Variants in KCNN3 observed in about 807,000 individuals in gnomAD.
KCNN3 encodes small conductance calcium-activated potassium channel protein 3.
A neutral mutation model predicts 62.9 loss-of-function variants in KCNN3; 16 were observed. The ratio of observed to expected loss-of-function variants is 0.25; its 90% confidence interval spans 0.17 to 0.39. The LOEUF (loss-of-function observed/expected upper bound fraction) is 0.39. Ranked by LOEUF, KCNN3 falls within the 10% of genes least tolerant of loss-of-function variation. The probability of loss-of-function intolerance (pLI) is 1.00; values close to 1 mark genes in which losing one functional copy is unlikely to be tolerated. For missense variants in KCNN3, 599 were observed against 949.4 expected, an observed-to-expected ratio of 0.63 and a Z score of 4.85; for synonymous variants, 370 against 389.2, an observed-to-expected ratio of 0.95 and a Z score of 0.58.
intron 1 of KCNN3, among the ~76,000 whole-genome samples, chr1:154,844,041 C>T (rs979207097): frequency 1.3e-5 from 2 of 152,220 alleles, no homozygotes; most frequent in Non-Finnish European, 2.9e-5. Context: ...GGCCAAAGAA[C>T]ACACCCTCGG....
intron 2 of KCNN3, among the ~76,000 whole-genome samples, chr1:154,773,428 A>C (rs979989035): frequency 1.3e-5 from 2 of 152,238 alleles, no homozygotes; most frequent in Non-Finnish European, 2.9e-5. Context: ...TGAAAACCTG[A>C]GAAGGGCGTC....
At chr1:154,741,787 T>G (rs1246132689) in intron 3 of KCNN3, among the ~76,000 whole-genome samples, 1 of 151,950 alleles carries the variant, frequency 6.6e-6, no homozygotes, top group Admixed American at 6.5e-5. Flanking sequence ...CTGGGTCTGA[T>G]TTGTTTGTTG....
chr1:154,848,166 A>C (rs1289447955), intron 1 of KCNN3, among the ~76,000 whole-genome samples: 1 of 152,154 alleles, frequency 6.6e-6, no homozygotes, highest in Non-Finnish European at 1.5e-5. Flanking sequence ...CTCTGGGACC[A>C]GAAGGCTGCC....
chr1:154,854,890 T>C (rs12729486), intron 1 of KCNN3, among the ~76,000 whole-genome samples: 31,623 of 152,230 alleles, frequency 0.21, 3,707 homozygotes, highest in Non-Finnish European at 0.28. Flanking sequence ...ATAATGTGTT[T>C]GTGTTATTAC....
intron 2 of KCNN3, among the ~76,000 whole-genome samples, chr1:154,789,332 A>C (rs1156894917): frequency 6.6e-6 from 1 of 152,084 alleles, no homozygotes; most frequent in Non-Finnish European, 1.5e-5. Context: ...CCTCCATCTC[A>C]AGATCCTTCA....
chr1:154,729,024 A>C (rs1700534016), intron 4 of KCNN3, among the ~76,000 whole-genome samples: 1 of 152,202 alleles, frequency 6.6e-6, no homozygotes, highest in Non-Finnish European at 1.5e-5. Flanking sequence ...ATAGTCTGAC[A>C]GGCCACAGTG....
chr1:154,869,833 C>T lies in KCNN3; in HGVS notation c.132G>A (p.Pro44=), dbSNP rs779840436. ...GCTGGGGGGCTGCTGGTGGCGCTGGCGGTGGTGGCTGCTGCTGCTGTTGCT... is the reference window on the plus strand; with the variant it reads ...GCTGGGGGGCTGCTGGTGGCGCTGGTGGTGGTGGCTGCTGCTGCTGTTGCT... ...QQQQQQQQPP[P]PAPPAAPQQP... Residue 44 remains proline, a synonymous_variant, in exon 1 of 8, where the codon CCG becomes CCA. Transcript: ENST00000271915. This position sits in a 1 kb window ranked among gnomAD's most constrained non-coding sequence, Gnocchi z 6.1. The T allele has an allele frequency of 2.6e-6, 4 of 1,566,306 alleles. No homozygotes were observed. The highest frequency in any genetic ancestry group is 3.7e-5 in the Admixed American group (2 of 53,906).
intron 2 of KCNN3, among the ~76,000 whole-genome samples, chr1:154,782,716 T>G (rs1487860872): frequency 2.0e-5 from 3 of 152,212 alleles, no homozygotes; most frequent in Admixed American, 2.0e-4. Flanking sequence ...GCACATACCA[T>G]TTCATTGCCA....
chr1:154,847,457 G>C (rs967806843), intron 1 of KCNN3, among the ~76,000 whole-genome samples: 3 of 152,218 alleles, frequency 2.0e-5, no homozygotes, highest in African/African-American at 4.8e-5. Context: ...AGGCTGGGCT[G>C]GCCATGCTGA....
chr1:154,778,876 A>G (rs1648905678), intron 2 of KCNN3, among the ~76,000 whole-genome samples: 1 of 152,078 alleles, frequency 6.6e-6, no homozygotes. Context: ...TGCTGGGATT[A>G]CACGTATGAG....
intron 3 of KCNN3, among the ~76,000 whole-genome samples, chr1:154,748,297 G>A (rs1047500680): frequency 7.2e-5 from 11 of 152,144 alleles, no homozygotes; most frequent in African/African-American, 2.7e-4. Flanking sequence ...GCCCGCGCCT[G>A]CAAGCTTTCT....
At chr1:154,816,655 C>G (rs1650678873) in intron 2 of KCNN3, among the ~76,000 whole-genome samples, 1 of 152,208 alleles carries the variant, frequency 6.6e-6, no homozygotes, top group Non-Finnish European at 1.5e-5. Context: ...TCCCATCCTC[C>G]CTTCCTCACT....
At chr1:154,812,176 A>G (rs1650433892) in intron 2 of KCNN3, among the ~76,000 whole-genome samples, 1 of 152,252 alleles carries the variant, frequency 6.6e-6, no homozygotes, top group Non-Finnish European at 1.5e-5. Context: ...AAATGGTAAC[A>G]ACAAAACCAA....
At chr1:154,866,220 G>A (rs1474710161) in intron 1 of KCNN3, among the ~76,000 whole-genome samples, 1 of 152,110 alleles carries the variant, frequency 6.6e-6, no homozygotes, top group Non-Finnish European at 1.5e-5. Flanking sequence ...TTCTCACTCC[G>A]TTGACAAGTC....
At chr1:154,812,935 G>A (rs1270560098) in intron 2 of KCNN3, among the ~76,000 whole-genome samples, 3 of 152,180 alleles carry the variant, frequency 2.0e-5, no homozygotes, top group Non-Finnish European at 4.4e-5. Context: ...ACCAAAAACC[G>A]CTCACAGCCA....
chr1:154,833,238 T>A (rs1014315837), intron 1 of KCNN3, among the ~76,000 whole-genome samples: 6 of 152,146 alleles, frequency 3.9e-5, no homozygotes, highest in Non-Finnish European at 5.9e-5. Flanking sequence ...ATCCCCACAC[T>A]GGGCAAAATC....
intron 2 of KCNN3, among the ~76,000 whole-genome samples, chr1:154,788,402 A>C (rs1649375474): frequency 6.6e-6 from 1 of 152,272 alleles, no homozygotes; most frequent in Non-Finnish European, 1.5e-5. Context: ...AAAGCTTCTG[A>C]GACTTCTAAA....
intron 2 of KCNN3, among the ~76,000 whole-genome samples, chr1:154,818,656 T>G (rs1024947640): frequency 1.3e-5 from 2 of 152,164 alleles, no homozygotes; most frequent in Non-Finnish European, 2.9e-5. Flanking sequence ...AGCGCCGTCT[T>G]GGAAGCAGAG....
At chr1:154,785,024 C>A (rs565348310) in intron 2 of KCNN3, among the ~76,000 whole-genome samples, 1 of 152,328 alleles carries the variant, frequency 6.6e-6, no homozygotes, top group South Asian at 2.1e-4. Flanking sequence ...CCAGGCCAGG[C>A]CAATAGGTGT....
Sources: allele counts gnomAD v4.1 joint callset (sites outside exome capture counted in the v4.1 genomes callset), GRCh38; gene constraint gnomAD v4.1.1; non-coding constraint Gnocchi (gnomAD v3.1); transcripts MANE v1.5; gene names NCBI Gene and HGNC (gene_info 2026-07-23, HGNC 2026-07-21).